Variants in DDX10 observed in about 807,000 individuals in gnomAD.
The protein encoded by DDX10 is probable ATP-dependent RNA helicase DDX10.
Under a neutral mutation model 104.3 loss-of-function variants are expected in DDX10, and 74 were observed. The observed-to-expected ratio is 0.71, with a 90% confidence interval of 0.59 to 0.86. The LOEUF (loss-of-function observed/expected upper bound fraction) is 0.86, where lower values mean the gene tolerates loss of function less well. DDX10 is among the 40% of genes least tolerant of loss of function. The pLI is 0.00. For synonymous variants in DDX10, 351 were observed against 353.4 expected (o/e 0.99, Z 0.08); for missense variants, 952 against 1,040.0 (o/e 0.92, Z 1.16).
At chr11:108,879,976 C>T (rs966643820) in intron 16 of DDX10, among the ~76,000 whole-genome samples, 2 of 152,158 alleles carry the variant, frequency 1.3e-5, no homozygotes, top group Non-Finnish European at 2.9e-5. Context: ...AGGCAATTTC[C>T]TAACTTTTGG....
At chr11:108,886,575 C>T (rs1863298640) in intron 16 of DDX10, among the ~76,000 whole-genome samples, 1 of 152,112 alleles carries the variant, frequency 6.6e-6, no homozygotes, top group African/African-American at 2.4e-5. Context: ...AAAATCCATC[C>T]TCATTTGAAT....
chr11:108,892,540 A>G (rs760645360), intron 16 of DDX10, among the ~76,000 whole-genome samples: 5 of 152,102 alleles, frequency 3.3e-5, no homozygotes, highest in East Asian at 1.9e-4. Flanking sequence ...CTTCATTTGC[A>G]TTATCCTGTA....
At chr11:108,940,224 T>C (rs991456660) in intron 17 of DDX10, 22 bp from the exon 18 acceptor site, 4 of 1,610,804 alleles carry the variant, frequency 2.5e-6, no homozygotes, top group Admixed American at 3.4e-5. Context: ...CTAAAGTAAA[T>C]CTTTGGATTT....
chr11:108,744,006 G>A (rs1412784456), intron 13 of DDX10, among the ~76,000 whole-genome samples: 13 of 152,058 alleles, frequency 8.5e-5, no homozygotes, highest in Admixed American at 8.5e-4. Flanking sequence ...AGGCTTTTTG[G>A]CAGGCCTATG....
intron 16 of DDX10, among the ~76,000 whole-genome samples, chr11:108,873,587 T>G (rs1863111408): frequency 6.6e-6 from 1 of 152,170 alleles, no homozygotes; most frequent in Non-Finnish European, 1.5e-5. Flanking sequence ...CACCTTCTTT[T>G]GGACAAATTC....
intron 16 of DDX10, among the ~76,000 whole-genome samples, chr11:108,905,316 G>GGT (rs1863579770): frequency 1.3e-5 from 2 of 149,488 alleles, no homozygotes; most frequent in Non-Finnish European, 3.0e-5. Flanking sequence ...TGTTTAAGGG[G>GGT]GGGGGGGGTT....
intron 13 of DDX10, among the ~76,000 whole-genome samples, chr11:108,784,800 T>A (rs1014070416): frequency 2.6e-5 from 4 of 152,206 alleles, no homozygotes; most frequent in Non-Finnish European, 1.5e-5. Flanking sequence ...TTCTAGGTTA[T>A]CTTCTAGGAT....
intron 13 of DDX10, among the ~76,000 whole-genome samples, chr11:108,749,311 A>G (rs1373200620): frequency 6.6e-6 from 1 of 152,134 alleles, no homozygotes; most frequent in African/African-American, 2.4e-5. Flanking sequence ...TCAGGGTACT[A>G]TAATTCTCCC....
At chr11:108,892,869 G>A (rs867962183) in intron 16 of DDX10, among the ~76,000 whole-genome samples, 22 of 151,996 alleles carry the variant, frequency 1.4e-4, no homozygotes, top group Admixed American at 6.6e-4. Context: ...TGTACAACTG[G>A]CCCTTACTAT....
chr11:108,710,708 A>C (rs1238195318), intron 10 of DDX10, among the ~76,000 whole-genome samples: 4 of 152,212 alleles, frequency 2.6e-5, no homozygotes, highest in Non-Finnish European at 5.9e-5. Context: ...TATCATTTTC[A>C]AGTATTATGT....
intron 13 of DDX10, among the ~76,000 whole-genome samples, chr11:108,784,473 TC>T (rs1245989383): frequency 6.6e-6 from 1 of 152,190 alleles, no homozygotes; most frequent in Non-Finnish European, 1.5e-5. Flanking sequence ...AGCCTTGATG[TC>T]CTGGGCTTAA....
At chr11:108,804,484 G>A (rs1483744420) in intron 13 of DDX10, among the ~76,000 whole-genome samples, 1 of 124,484 alleles carries the variant, frequency 8.0e-6, no homozygotes, top group Admixed American at 9.0e-5. Context: ...GGGTGACAGA[G>A]TGAGACCCTG....
chr11:108,702,240 G>T (rs1404463476), intron 9 of DDX10, among the ~76,000 whole-genome samples: 1 of 152,058 alleles, frequency 6.6e-6, no homozygotes, highest in African/African-American at 2.4e-5. Context: ...CTTACTAACT[G>T]TACAGATTCT....
chr11:108,717,103 A>G (rs2134470583), intron 11 of DDX10, among the ~76,000 whole-genome samples: 1 of 152,286 alleles, frequency 6.6e-6, no homozygotes, highest in East Asian at 1.9e-4. Context: ...TGCATCTCCC[A>G]TAGCATATCA....
intron 16 of DDX10, among the ~76,000 whole-genome samples, chr11:108,864,206 A>AG (rs1862976695): frequency 6.6e-6 from 1 of 152,292 alleles, no homozygotes; most frequent in African/African-American, 2.4e-5. Context: ...TCAGATACTT[A>AG]GGATTTAACC....
At chr11:108,745,764 A>G (rs948405187) in intron 13 of DDX10, among the ~76,000 whole-genome samples, 3 of 152,184 alleles carry the variant, frequency 2.0e-5, no homozygotes, top group Non-Finnish European at 4.4e-5. Flanking sequence ...TATTGGCAAG[A>G]TGAAAGTAGA....
At chr11:108,923,333 G>C (rs1863859830) in intron 17 of DDX10, among the ~76,000 whole-genome samples, 1 of 152,164 alleles carries the variant, frequency 6.6e-6, no homozygotes, top group Non-Finnish European at 1.5e-5. Flanking sequence ...TTGGGCTAAT[G>C]AATGATTTTT....
rs980026678 is a variant in DDX10, at chr11:108,772,715, G to A, written c.1965+49253G>A. 5.9e-5 allele frequency among the ~76,000 whole-genome samples: 9 copies of A among 152,304 alleles called. No homozygotes were observed. In the South Asian group the frequency reaches 8.3e-4, roughly 14 times the overall value. On this transcript the variant is annotated intron_variant, in intron 13 of 17. Transcript: ENST00000322536. The stretch of plus-strand genomic sequence containing the variant: ...GCCAGGCGGGTGAGCGGGCATTACC[G>A]CCTGAGCTCCGTCTCTTGTCATATC...
At chr11:108,786,805 A>G (rs1591817972) in intron 13 of DDX10, among the ~76,000 whole-genome samples, 1 of 152,150 alleles carries the variant, frequency 6.6e-6, no homozygotes, top group East Asian at 1.9e-4. Flanking sequence ...CCATCTTGCC[A>G]TTCTATGCCT....
Sources: gnomAD v4.1 joint callset for allele counts (sites outside exome capture counted in the v4.1 genomes callset) on GRCh38, gnomAD v4.1.1 for gene constraint, MANE v1.5 for transcripts, NCBI Gene and HGNC (gene_info 2026-07-23, HGNC 2026-07-21) for gene names.